The following CRY1 variants were observed in gnomAD, a reference collection of about 807,000 sequenced individuals.
CRY1 encodes the protein cryptochrome-1.
Under a neutral mutation model 76.0 loss-of-function variants are expected in CRY1, and 45 were observed. That is an observed-to-expected ratio of 0.59 (90% CI 0.47 to 0.76). The LOEUF (loss-of-function observed/expected upper bound fraction) is 0.76, where lower values mean the gene tolerates loss of function less well. Ranked by LOEUF, CRY1 falls within the 30% of genes least tolerant of loss-of-function variation. CRY1 has a pLI of 0.00. For missense variants in CRY1, 587 were observed against 716.4 expected, an observed-to-expected ratio of 0.82 and a Z score of 2.06; for synonymous variants, 248 against 244.0, an observed-to-expected ratio of 1.02 and a Z score of -0.15.
At chr12:107,013,604 T>A (rs1435381646) in intron 2 of CRY1, among the ~76,000 whole-genome samples, 1 of 152,170 alleles carries the variant, frequency 6.6e-6, no homozygotes, top group Non-Finnish European at 1.5e-5. Context: ...ATTGTAATTG[T>A]TAGCTACTAA....
At chr12:107,091,142 C>A (rs962215668) in intron 1 of CRY1, among the ~76,000 whole-genome samples, 17 of 151,994 alleles carry the variant, frequency 1.1e-4, no homozygotes, top group African/African-American at 4.1e-4. Flanking sequence ...TAGGTTCATG[C>A]GATTCTCGTG....
chr12:107,024,312 A>C (rs1952585720), intron 1 of CRY1, among the ~76,000 whole-genome samples: 1 of 152,246 alleles, frequency 6.6e-6, no homozygotes. Flanking sequence ...AAAGGACATG[A>C]TTAATTCATA....
intron 1 of CRY1, among the ~76,000 whole-genome samples, chr12:107,076,018 A>C (rs1321846355): frequency 6.6e-6 from 1 of 152,108 alleles, no homozygotes; most frequent in African/African-American, 2.4e-5. Context: ...AATCAGCTTA[A>C]GATGCTTATT....
At chr12:107,041,318 A>C (rs973345272) in intron 1 of CRY1, among the ~76,000 whole-genome samples, 1 of 152,234 alleles carries the variant, frequency 6.6e-6, no homozygotes, top group African/African-American at 2.4e-5. Flanking sequence ...CCAATGTTAA[A>C]GCACATAAAA....
intron 1 of CRY1, among the ~76,000 whole-genome samples, chr12:107,040,074 T>C (rs571704805): frequency 2.6e-5 from 4 of 152,258 alleles, no homozygotes; most frequent in African/African-American, 9.6e-5. Flanking sequence ...GAGGACATTA[T>C]GCTAAGTAAA....
intron 1 of CRY1, among the ~76,000 whole-genome samples, chr12:107,084,837 TAA>T (rs1296572970): frequency 6.6e-6 from 1 of 152,022 alleles, no homozygotes; most frequent in African/African-American, 2.4e-5. Flanking sequence ...CTAATTAAAC[TAA>T]AGAGTTTCTG....
intron 1 of CRY1, among the ~76,000 whole-genome samples, chr12:107,083,007 G>T (rs1486996072): frequency 1.3e-5 from 2 of 151,954 alleles, no homozygotes; most frequent in Non-Finnish European, 2.9e-5. Flanking sequence ...ATGATAAAGG[G>T]ATATCACCAC....
chr12:107,059,044 T>C (rs963145713), intron 1 of CRY1, among the ~76,000 whole-genome samples: 8 of 152,244 alleles, frequency 5.3e-5, no homozygotes, highest in South Asian at 2.1e-4. Context: ...TCAAACTTTC[T>C]GGCAGTCCCT....
chr12:107,076,054 A>G (rs1325316554), intron 1 of CRY1, among the ~76,000 whole-genome samples: 1 of 152,064 alleles, frequency 6.6e-6, no homozygotes, highest in African/African-American at 2.4e-5. Context: ...AATACTAGAT[A>G]GGCAAATCTG....
chr12:107,029,427 A>G (rs1952652397), intron 1 of CRY1, among the ~76,000 whole-genome samples: 1 of 151,950 alleles, frequency 6.6e-6, no homozygotes, highest in African/African-American at 2.4e-5. Flanking sequence ...TCTCATCTCT[A>G]CAAAAAGTAC....
chr12:107,023,676 TAA>T lies in CRY1; in HGVS notation c.159-1486_159-1485del, dbSNP rs375625984. On this transcript the variant is annotated intron_variant, in intron 1 of 12. Transcript: ENST00000008527. ...AGGTGCTATATTTTTATGAGGATGT[TAA>T]AGACATCCCACCATTTCACCTTAGG... Among the ~76,000 whole-genome samples the T allele has an allele frequency of 2.0e-3, 301 of 152,318 alleles. 1 individual carries two copies. Among genetic ancestry groups the T allele is most frequent in the African/African-American group, 6.6e-3 (276 of 41,562 alleles).
Position 106,997,317 on chromosome 12 carries a change from A to C in CRY1, c.1562T>G (p.Ile521Ser), listed in dbSNP as rs1952243812. The stretch of plus-strand genomic sequence containing the variant: ...ACTTCCACTGCTGCTACAACCTGGG[A>C]TATTTTCTGCAGAATATCCCATGAA... ...GGFMGYSAEN[I>S]PGCSSSGSCS... The change falls in exon 10 of 13, where the codon ATC (isoleucine) becomes AGC (serine). Residue 521 changes from isoleucine (I) to serine (S), a missense_variant. Transcript: ENST00000008527. 1 of 1,613,904 alleles carries C rather than the reference A, an allele frequency of 6.2e-7. No individual in the cohort carries two copies. The highest frequency in any genetic ancestry group is 1.1e-5 in the South Asian group (1 of 91,070).
chr12:107,065,362 G>A (rs1208881634), intron 1 of CRY1, among the ~76,000 whole-genome samples: 4 of 152,032 alleles, frequency 2.6e-5, no homozygotes, highest in African/African-American at 9.7e-5. Context: ...GGAAGCCAAG[G>A]CGGGCGGATA....
At chr12:107,025,974 C>T (rs936236050) in intron 1 of CRY1, among the ~76,000 whole-genome samples, 5 of 150,454 alleles carry the variant, frequency 3.3e-5, no homozygotes, top group African/African-American at 1.2e-4. Flanking sequence ...CCTTTAAGTT[C>T]ATATCACACT....
chr12:107,014,437 T>G (rs1203769704), intron 2 of CRY1, among the ~76,000 whole-genome samples: 3 of 152,162 alleles, frequency 2.0e-5, no homozygotes, highest in African/African-American at 4.8e-5. Context: ...AAGAAAAGCT[T>G]CTTCTCTCCT....
At chr12:107,086,884 CA>C (rs1182251427) in intron 1 of CRY1, among the ~76,000 whole-genome samples, 1 of 152,140 alleles carries the variant, frequency 6.6e-6, no homozygotes, top group Admixed American at 6.5e-5. Context: ...GCAGCGGGAA[CA>C]GGGGCACTGC....
chr12:107,013,539 T>C (rs932369698), intron 2 of CRY1, among the ~76,000 whole-genome samples: 8 of 152,242 alleles, frequency 5.3e-5, no homozygotes, highest in African/African-American at 1.9e-4. Context: ...ATTTACTTTA[T>C]TGTGGTGGTC....
At chr12:107,035,323 T>A (rs1237556407) in intron 1 of CRY1, among the ~76,000 whole-genome samples, 7 of 152,188 alleles carry the variant, frequency 4.6e-5, no homozygotes, top group African/African-American at 1.7e-4. Context: ...CAGTAATGTA[T>A]CTATTAACAA....
At chr12:107,039,439 A>G (rs1206522295) in intron 1 of CRY1, among the ~76,000 whole-genome samples, 2 of 152,220 alleles carry the variant, frequency 1.3e-5, no homozygotes, top group African/African-American at 4.8e-5. Context: ...ATAAGGAGTA[A>G]ATTTCCAAAA....
Sources: allele counts gnomAD v4.1 joint callset (sites outside exome capture counted in the v4.1 genomes callset), GRCh38; gene constraint gnomAD v4.1.1; transcripts MANE v1.5; gene names NCBI Gene and HGNC (gene_info 2026-07-23, HGNC 2026-07-21).